NUTM1: variants seen among roughly 807,000 people sequenced by gnomAD.
NUTM1 encodes the protein NUT midline carcinoma family member 1, also known as NUT family member 1.
In NUTM1, 39 loss-of-function variants were observed where a neutral mutation model predicts 88.7. That is an observed-to-expected ratio of 0.44 (90% confidence interval 0.34 to 0.57). The LOEUF (loss-of-function observed/expected upper bound fraction) is 0.57. Ranked by LOEUF, NUTM1 falls within the 20% of genes least tolerant of loss-of-function variation. NUTM1 has a pLI of 0.01. For missense variants in NUTM1, 1,350 were observed against 1,414.5 expected (o/e 0.95, Z 0.73); for synonymous variants, 494 against 538.0 (o/e 0.92, Z 1.13).
Position 34,355,002 on chromosome 15 carries a change from T to C in NUTM1, c.1363-19T>C, listed in dbSNP as rs1479216750. 1 of 1,578,038 alleles carries C rather than the reference T, an allele frequency of 6.3e-7. No homozygotes were observed. The highest frequency in any genetic ancestry group is 2.2e-5 in the East Asian group (1 of 44,732). On this transcript the variant is annotated intron_variant, in intron 6 of 7. Coordinates refer to ENST00000537011, the MANE Select transcript of NUTM1 (RefSeq NM_001284292.2). This position sits in a 1 kb window ranked among gnomAD's most constrained non-coding sequence, Gnocchi z 4.3. ...TTACCTGCTTACAGACTTACATCGC[T>C]TTTCCTTCTGTTATCCAGGTGGAGG... is the stretch of plus-strand genomic sequence containing the variant.
rs1208924224 is a variant in NUTM1 at position 34,356,170 on chromosome 15, G to A, written c.2162G>A (p.Arg721Lys). ...TCAGGAGCCATGTGGGGAGATGACA[G>A]AGGTACCCCCATGGCTCAGAGTTAT... ...GSSGAMWGDD[R>K]GTPMAQSYDQ... The change falls in exon 8 of 8, where the codon AGA becomes AAA. Residue 721 changes from arginine (R) to lysine (K), a missense_variant. Around this residue, in one of 5 missense-constraint regions of NUTM1, gnomAD observed 730 missense variants for 728.8 expected, o/e 1.00. Coordinates refer to ENST00000537011, the MANE Select transcript of NUTM1 (RefSeq NM_001284292.2). 1 of 1,611,492 alleles carries A rather than the reference G, an allele frequency of 6.2e-7. No homozygotes were observed. Among genetic ancestry groups the A allele is most frequent in the Admixed American group, 1.7e-5 (1 of 59,950 alleles).
Position 34,356,797 on chromosome 15 carries a change from A to G in NUTM1, c.2789A>G (p.Asn930Ser), listed in dbSNP as rs750832683. 7.4e-6 allele frequency: 12 copies of G among 1,611,776 alleles called. No homozygotes were observed. Among genetic ancestry groups the G allele is most frequent in the Non-Finnish European group, 1.0e-5 (12 of 1,179,620 alleles). ...CTGTTGGAAACCATAGAACCTGTCA[A>G]CATACTAGATGTTAAAGATGACTGT... ...SPLLETIEPV[N>S]ILDVKDDCGL... The change falls in exon 8 of 8, where the codon AAC becomes AGC. Residue 930 changes from asparagine (N) to serine (S), a missense_variant. Coordinates refer to ENST00000537011, the MANE Select transcript of NUTM1 (RefSeq NM_001284292.2).
In NUTM1 at chr15:34,349,741, G is replaced by A. The variant is rs143683914; in HGVS notation, c.810-963G>A. ...AAGGAATCCCTCTACCCCGAACTTG[G>A]AGCAAATGAATCAAGATGTTCCCCC... On this transcript the variant is annotated intron_variant, in intron 3 of 7. Transcript: ENST00000537011. 2.6e-5 allele frequency among the ~76,000 whole-genome samples: 4 copies of A among 152,308 alleles called. No individual in the cohort carries two copies. In the East Asian group the frequency reaches 7.7e-4, roughly 29 times the overall value.
chr15:34,356,536 C>A lies in NUTM1; in HGVS notation c.2528C>A (p.Pro843His), dbSNP rs1210447009. 4 of 1,613,934 alleles carry A rather than the reference C, an allele frequency of 2.5e-6. No individual in the cohort carries two copies. The highest frequency in any genetic ancestry group is 3.4e-6 in the Non-Finnish European group (4 of 1,179,980). The change falls in exon 8 of 8, where the codon CCC (proline) becomes CAC (histidine). Residue 843 changes from proline to histidine, a missense_variant. Coordinates refer to ENST00000537011, the MANE Select transcript of NUTM1 (RefSeq NM_001284292.2). ...LPGPLRANSPPLRSKENQEQS... is the reference protein window; with the variant it reads ...LPGPLRANSPHLRSKENQEQS... ...GGACCTTTGAGGGCCAACAGCCCACCCTTGAGGTCCAAAGAAAATCAAGAA... is the reference window on the plus strand; with the variant it reads ...GGACCTTTGAGGGCCAACAGCCCACACTTGAGGTCCAAAGAAAATCAAGAA...
At chr15:34,344,230 T>A (rs1890540705) in intron 1 of NUTM1, among the ~76,000 whole-genome samples, 1 of 144,454 alleles carries the variant, frequency 6.9e-6, no homozygotes, top group African/African-American at 2.6e-5. Flanking sequence ...ATATGGTTTG[T>A]GGCTGGGCGC....
chr15:34,349,892 G>C (rs1890675597), intron 3 of NUTM1, among the ~76,000 whole-genome samples: 1 of 152,178 alleles, frequency 6.6e-6, no homozygotes, highest in Non-Finnish European at 1.5e-5. Context: ...GGTTTGCATG[G>C]GATCCATTTG....
rs1181675324 is a variant in NUTM1 at position 34,355,851 on chromosome 15, G to A, written c.1843G>A (p.Gly615Arg). Residue 615 changes from glycine to arginine, a missense_variant, in exon 8 of 8, where the codon GGG becomes AGG. Around this residue, in one of 5 missense-constraint regions of NUTM1, gnomAD observed 730 missense variants for 728.8 expected, o/e 1.00. Coordinates refer to ENST00000537011, the MANE Select transcript of NUTM1 (RefSeq NM_001284292.2). This position sits in a 1 kb window ranked among gnomAD's most constrained non-coding sequence, Gnocchi z 4.3. ...CTTGGGTGTGGAGAGGAGAGGGTCT[G>A]GGAAGGTTATAAACCAGGTATCTCT... ...GPLGVERRGS[G>R]KVINQVSLHQ... 1 of 1,614,040 alleles carries A rather than the reference G, an allele frequency of 6.2e-7. No homozygotes were observed. The highest frequency in any genetic ancestry group is 8.5e-7 in the Non-Finnish European group (1 of 1,180,006).
In NUTM1 at chr15:34,343,493, G is replaced by A; in HGVS notation, c.-204G>A. ...GAGCCCCTTTACCCTAGGGAAGAAA[G>A]AAGAGGTTTTCTTCCCTCCCCTCTT... On this transcript the variant is annotated 5_prime_UTR_variant, in exon 1 of 8. Coordinates refer to ENST00000537011, the MANE Select transcript of NUTM1 (RefSeq NM_001284292.2). 1 of 1,209,344 alleles carries A rather than the reference G, an allele frequency of 8.3e-7. No homozygotes were observed. The highest frequency in any genetic ancestry group is 1.5e-5 in the South Asian group (1 of 67,504). 74.9% of individuals were successfully genotyped at this position (1,209,344 alleles called of 1,614,324 possible).
chr15:34,349,019 C>G (rs1006690872), intron 3 of NUTM1, among the ~76,000 whole-genome samples: 3 of 152,128 alleles, frequency 2.0e-5, no homozygotes, highest in African/African-American at 7.2e-5. Context: ...GGGTCCTCCC[C>G]CCGTTCTATT....
intron 1 of NUTM1, among the ~76,000 whole-genome samples, chr15:34,343,911 CTTT>C (rs767955449): frequency 7.1e-6 from 1 of 139,970 alleles, no homozygotes; most frequent in Non-Finnish European, 1.6e-5. Context: ...AAAACCTGCA[CTTT>C]TTTTTTTTTT....
chr15:34,344,340 C>A (rs543969759), intron 1 of NUTM1, among the ~76,000 whole-genome samples: 1 of 145,966 alleles, frequency 6.9e-6, no homozygotes, highest in Non-Finnish European at 1.5e-5. Context: ...GTGAAACCCC[C>A]AAAAATACAA....
rs1890650821 is a variant in NUTM1, at chr15:34,348,535, C to G, written c.667C>G (p.Leu223Val). The G allele has an allele frequency of 1.9e-6, 3 of 1,614,118 alleles. No homozygotes were observed. The East Asian group carries it at 6.7e-5, about 36-fold the overall frequency. The change falls in exon 3 of 8, where the codon CTA becomes GTA. Residue 223 changes from leucine to valine, a missense_variant. Leu to Val is a conservative substitution (Grantham distance 32). Coordinates refer to ENST00000537011, the MANE Select transcript of NUTM1 (RefSeq NM_001284292.2). Reference protein sequence around the residue: ...TTGEGGPVATLSKPSLGDRSK... With the variant: ...TTGEGGPVATVSKPSLGDRSK... ...CGGGGAAGGAGGTCCTGTGGCCACT[C>G]TATCCAAGCCTTCCCTAGGTGACCG... is the stretch of plus-strand genomic sequence containing the variant.
In NUTM1 at chr15:34,355,585, C is replaced by T; in HGVS notation, c.1577C>T (p.Ser526Phe). ...GAQLDSSPSG[S>F]VEDEDGDGRL... ...CAGTTGGACTCAAGTCCTTCTGGTT[C>T]TGTTGAGGATGAAGATGGGGATGGG... is the stretch of plus-strand genomic sequence containing the variant. The change falls in exon 8 of 8, where the codon TCT (serine) becomes TTT (phenylalanine). Residue 526 changes from serine to phenylalanine, a missense_variant. Ser to Phe is a radical substitution (Grantham distance 155). Coordinates refer to ENST00000537011, the MANE Select transcript of NUTM1 (RefSeq NM_001284292.2). This position sits in a 1 kb window ranked among gnomAD's most constrained non-coding sequence, Gnocchi z 4.3. The T allele has an allele frequency of 6.2e-7, 1 of 1,614,032 alleles. No individual in the cohort carries two copies. Among genetic ancestry groups the T allele is most frequent in the East Asian group, 2.2e-5 (1 of 44,896 alleles).
Position 34,356,819 on chromosome 15 carries a change from C to T in NUTM1, c.2811C>T (p.Asp937=). ...EPVNILDVKD[D]CGLQLRVSED... ...TCAACATACTAGATGTTAAAGATGA[C>T]TGTGGCCTCCAACTAAGGGTCAGCG... is the stretch of plus-strand genomic sequence containing the variant. Residue 937 remains aspartate, a synonymous_variant, in exon 8 of 8, where the codon GAC becomes GAT. Transcript: ENST00000537011. The T allele has an allele frequency of 6.2e-7, 1 of 1,612,264 alleles. No homozygotes were observed. Among genetic ancestry groups the T allele is most frequent in the Non-Finnish European group, 8.5e-7 (1 of 1,179,724 alleles).
At chr15:34,353,702 T>C in intron 4 of NUTM1, 34 bp from the exon 5 acceptor site, 1 of 1,613,442 alleles carries the variant, frequency 6.2e-7, no homozygotes, top group Admixed American at 1.7e-5. Flanking sequence ...GGTCTCCTTC[T>C]CAGCATTGCC....
Position 34,354,671 on chromosome 15 carries a change from C to A in NUTM1, c.1301C>A (p.Pro434Gln), listed in dbSNP as rs763816189. The A allele has an allele frequency of 5.6e-6, 9 of 1,613,982 alleles. No homozygotes were observed. Among genetic ancestry groups the A allele is most frequent in the Non-Finnish European group, 5.1e-6 (6 of 1,179,992 alleles). ...GQQQEEEGMY[P>Q]DPGLLSYINE... ...CAGCAGGAGGAGGAAGGGATGTATC[C>A]AGATCCAGGTCTCCTGAGCTACATC... The change falls in exon 6 of 8, where the codon CCA (proline) becomes CAA (glutamine). Residue 434 changes from proline to glutamine, a missense_variant. This residue lies in a region of NUTM1 where 126 missense variants were observed against 189.8 expected (regional missense o/e 0.66). Transcript: ENST00000537011.
intron 3 of NUTM1, among the ~76,000 whole-genome samples, chr15:34,349,304 T>G (rs976885855): frequency 3.9e-5 from 6 of 152,188 alleles, no homozygotes; most frequent in African/African-American, 1.4e-4. Flanking sequence ...TGCCCTCAGT[T>G]TTCTCAGTTA....
Position 34,348,100 on chromosome 15 carries a change from A to G in NUTM1, c.232A>G (p.Ile78Val). Reference protein sequence around the residue: ...HPPREPPPQPIMPSVFSPDNP... With the variant: ...HPPREPPPQPVMPSVFSPDNP... The stretch of plus-strand genomic sequence containing the variant: ...ACCCAGGGAGCCACCTCCACAGCCC[A>G]TCATGCCTTCAGTATTCTCTCCAGA... The change falls in exon 3 of 8, where the codon ATC becomes GTC. Residue 78 changes from isoleucine (I) to valine (V), a missense_variant. Coordinates refer to ENST00000537011, the MANE Select transcript of NUTM1 (RefSeq NM_001284292.2). 1 of 1,614,018 alleles carries G rather than the reference A, an allele frequency of 6.2e-7. No homozygotes were observed. The highest frequency in any genetic ancestry group is 8.5e-7 in the Non-Finnish European group (1 of 1,179,994).
intron 4 of NUTM1, among the ~76,000 whole-genome samples, chr15:34,353,010 C>T (rs1275566056): frequency 1.3e-5 from 2 of 149,904 alleles, no homozygotes; most frequent in East Asian, 4.0e-4. Flanking sequence ...CTAAGCCTCC[C>T]GAGTAGCTGG....
Sources: gnomAD v4.1 joint callset for allele counts (sites outside exome capture counted in the v4.1 genomes callset) on GRCh38, gnomAD v4.1.1 for gene constraint, gnomAD v4.1.1 regional missense constraint, Gnocchi (gnomAD v3.1) non-coding constraint, MANE v1.5 for transcripts, NCBI Gene and HGNC (gene_info 2026-07-23, HGNC 2026-07-21) for gene names.